The following WWOX variants were observed in gnomAD, a reference collection of about 807,000 sequenced individuals.
The protein encoded by WWOX is WW domain containing oxidoreductase.
In WWOX, 69 loss-of-function variants were observed where a neutral mutation model predicts 46.2. The observed-to-expected ratio is 1.49, with a 90% CI of 1.23 to 1.82. The LOEUF (loss-of-function observed/expected upper bound fraction) is 1.82, where lower values mean the gene tolerates loss of function less well. Among genes scored for constraint, WWOX ranks in the 40% most tolerant of loss-of-function variants. The pLI is 0.00. For synonymous variants in WWOX, 359 were observed against 202.6 expected (o/e 1.77, Z -6.56); for missense variants, 919 against 542.6 (o/e 1.69, Z -6.89).
intron 5 of WWOX, among the ~76,000 whole-genome samples, chr16:78,293,752 C>A (rs558927578): frequency 6.6e-6 from 1 of 152,124 alleles, no homozygotes; most frequent in African/African-American, 2.4e-5. Context: ...CCGAGGCTGG[C>A]AGATCACGAG....
intron 8 of WWOX, among the ~76,000 whole-genome samples, chr16:79,210,603 C>G (rs1244640071): frequency 2.6e-5 from 4 of 152,180 alleles, no homozygotes; most frequent in East Asian, 3.9e-4. Context: ...GTGGATGCAG[C>G]TAGGGCTCTG....
Position 78,518,129 on chromosome 16 carries a change from C to A in WWOX, c.1056+85377C>A, listed in dbSNP as rs1182717351. 2.0e-5 allele frequency among the ~76,000 whole-genome samples: 3 copies of A among 152,152 alleles called. 1 individual carries two copies. Among genetic ancestry groups the A allele is most frequent in the African/African-American group, 7.2e-5 (3 of 41,450 alleles). ...CTCTCCAGTATTTTCATAAGAGTCA[C>A]ATGAAATATGTACCTACAGAGTCTA... On this transcript the variant is annotated intron_variant, in intron 8 of 8. Transcript: ENST00000566780.
At chr16:78,891,660 C>T (rs969473335) in intron 8 of WWOX, 3 of 152,136 alleles carry the variant, frequency 2.0e-5, no homozygotes, top group African/African-American at 7.2e-5. Flanking sequence ...GAACTATTGC[C>T]CGTCATTAGC....
chr16:78,210,286 C>G (rs774348630), intron 5 of WWOX, among the ~76,000 whole-genome samples: 2 of 152,146 alleles, frequency 1.3e-5, no homozygotes, highest in Non-Finnish European at 2.9e-5. Flanking sequence ...TTGAGCCATG[C>G]TGTATTTAAC....
At chr16:78,623,382 G>C (rs548249923) in intron 8 of WWOX, among the ~76,000 whole-genome samples, 1 of 152,180 alleles carries the variant, frequency 6.6e-6, no homozygotes, top group Admixed American at 6.5e-5. Flanking sequence ...GATCTTATAA[G>C]AAACCTGTAC....
rs185504267 is a variant in WWOX, at chr16:78,929,841, C to T, written c.1057-281767C>T. ...GACTGGGTTTCAGGTGCAGGAAATG[C>T]GATTGTGCACGGACCCTTGCCTTTT... On this transcript the variant is annotated intron_variant, in intron 8 of 8. Coordinates refer to ENST00000566780, the MANE Select transcript of WWOX (RefSeq NM_016373.4). 5.3e-5 allele frequency among the ~76,000 whole-genome samples: 8 copies of T among 152,292 alleles called. No individual in the cohort carries two copies. In the East Asian group the frequency reaches 1.4e-3, roughly 26 times the overall value.
intron 8 of WWOX, among the ~76,000 whole-genome samples, chr16:78,547,031 G>A (rs777563200): frequency 2.1e-4 from 31 of 150,262 alleles, no homozygotes; most frequent in Non-Finnish European, 4.1e-4. Context: ...GGGAGGCTGA[G>A]GTTCGAGGGT....
chr16:79,055,512 C>A (rs1020415880), intron 8 of WWOX, among the ~76,000 whole-genome samples: 2 of 152,140 alleles, frequency 1.3e-5, no homozygotes, highest in African/African-American at 4.8e-5. Context: ...AACCTCCATC[C>A]ATTGGAAGTC....
chr16:78,426,302 C>T (rs1408289959), intron 7 of WWOX, among the ~76,000 whole-genome samples: 1 of 152,154 alleles, frequency 6.6e-6, no homozygotes, highest in Non-Finnish European at 1.5e-5. Context: ...AATCTGCCAG[C>T]CCCAGTCATC....
intron 8 of WWOX, among the ~76,000 whole-genome samples, chr16:78,792,356 G>T (rs73575628): frequency 3.9e-5 from 6 of 152,186 alleles, no homozygotes; most frequent in African/African-American, 1.2e-4. Flanking sequence ...CCTTTTCATG[G>T]TTAAAGGTAG....
intron 5 of WWOX, among the ~76,000 whole-genome samples, chr16:78,367,984 T>C (rs989468673): frequency 5.3e-5 from 8 of 152,096 alleles, no homozygotes; most frequent in Non-Finnish European, 1.2e-4. Context: ...GTCAAACTCC[T>C]GATCTTAGGT....
intron 8 of WWOX, among the ~76,000 whole-genome samples, chr16:79,057,114 T>C (rs772851375): frequency 1.2e-4 from 18 of 152,212 alleles, no homozygotes; most frequent in Non-Finnish European, 5.9e-5. Context: ...TTATGACTGC[T>C]TGGGGAGTGC....
At chr16:78,406,494 A>T (rs2082549831) in intron 6 of WWOX, among the ~76,000 whole-genome samples, 1 of 150,394 alleles carries the variant, frequency 6.6e-6, no homozygotes, top group East Asian at 2.0e-4. Context: ...CTGGGACTAC[A>T]GGCATGTGCT....
chr16:78,172,384 C>G (rs1224822700), intron 5 of WWOX, among the ~76,000 whole-genome samples: 2 of 152,140 alleles, frequency 1.3e-5, no homozygotes, highest in South Asian at 2.1e-4. Context: ...AGGGAAGATT[C>G]TTTATCAGAT....
At chr16:78,557,240 A>G (rs1041046295) in intron 8 of WWOX, among the ~76,000 whole-genome samples, 1 of 152,074 alleles carries the variant, frequency 6.6e-6, no homozygotes, top group African/African-American at 2.4e-5. Flanking sequence ...ATTATTATTT[A>G]CCTTAAGACC....
chr16:78,195,603 C>G (rs1056985060), intron 5 of WWOX, among the ~76,000 whole-genome samples: 20 of 151,988 alleles, frequency 1.3e-4, no homozygotes, highest in African/African-American at 4.6e-4. Context: ...GGGCGAATCA[C>G]CCCAGGTCAG....
At chr16:78,152,505 C>T (rs1225581953) in intron 4 of WWOX, among the ~76,000 whole-genome samples, 3 of 152,152 alleles carry the variant, frequency 2.0e-5, no homozygotes, top group African/African-American at 7.2e-5. Context: ...TCCTATCCCC[C>T]ATCCCTCATT....
chr16:79,163,789 C>A (rs1175122330), intron 8 of WWOX, among the ~76,000 whole-genome samples: 1 of 87,920 alleles, frequency 1.1e-5, no homozygotes, highest in Non-Finnish European at 2.0e-5. Context: ...GAGCAAAACT[C>A]CACCTCAAAA....
chr16:78,404,193 G>C (rs531274684), intron 6 of WWOX, among the ~76,000 whole-genome samples: 1 of 152,250 alleles, frequency 6.6e-6, no homozygotes, highest in African/African-American at 2.4e-5. Flanking sequence ...TTTTTAAAAA[G>C]TACTGATTGT....
Sources: gnomAD v4.1 joint callset for allele counts (sites outside exome capture counted in the v4.1 genomes callset) on GRCh38, gnomAD v4.1.1 for gene constraint, MANE v1.5 for transcripts, NCBI Gene and HGNC (gene_info 2026-07-23, HGNC 2026-07-21) for gene names.